The following RALGPS1 variants were observed in gnomAD, a reference collection of about 807,000 sequenced individuals.
RALGPS1 encodes ras-specific guanine nucleotide-releasing factor RalGPS1.
Under a neutral mutation model 78.8 loss-of-function variants are expected in RALGPS1, and 19 were observed. The observed-to-expected ratio is 0.24, with a 90% CI of 0.17 to 0.35. The LOEUF is 0.35. Among genes scored for constraint, RALGPS1 ranks in the 10% least tolerant of loss-of-function variants. The pLI is 1.00. For synonymous variants in RALGPS1, 228 were observed against 256.3 expected (o/e 0.89, Z 1.06); for missense variants, 454 against 688.3 (o/e 0.66, Z 3.81).
intron 8 of RALGPS1, among the ~76,000 whole-genome samples, chr9:127,073,789 G>T (rs1408815226): frequency 2.0e-5 from 3 of 152,062 alleles, no homozygotes; most frequent in African/African-American, 7.2e-5. Context: ...AACCATTGTG[G>T]CTGGCCCAAG....
chr9:127,167,565 A>T (rs13297659), intron 9 of RALGPS1, among the ~76,000 whole-genome samples: 42,213 of 152,098 alleles, frequency 0.28, 6,124 homozygotes, highest in Middle Eastern at 0.39. Context: ...CTGGCATTTC[A>T]TGAGAGCCCA....
At chr9:127,031,125 G>A (rs892069920) in intron 4 of RALGPS1, among the ~76,000 whole-genome samples, 7 of 152,212 alleles carry the variant, frequency 4.6e-5, no homozygotes, top group Non-Finnish European at 7.3e-5. Context: ...TACCAGGGCC[G>A]TACTGGTCTC....
chr9:127,019,901 A>T (rs2134134679), intron 4 of RALGPS1, among the ~76,000 whole-genome samples: 1 of 152,298 alleles, frequency 6.6e-6, no homozygotes, highest in East Asian at 1.9e-4. Context: ...GACAGATACT[A>T]CTAAGCTTCT....
At chr9:127,124,962 C>T (rs1232172697) in intron 8 of RALGPS1, among the ~76,000 whole-genome samples, 3 of 152,158 alleles carry the variant, frequency 2.0e-5, no homozygotes, top group Admixed American at 6.5e-5. Context: ...GGAGAAGGAG[C>T]ACCAGGGTGT....
intron 5 of RALGPS1, among the ~76,000 whole-genome samples, chr9:127,042,184 T>A (rs552957959): frequency 6.6e-6 from 1 of 152,300 alleles, no homozygotes; most frequent in African/African-American, 2.4e-5. Flanking sequence ...AACTATTCTG[T>A]TTTTTTATAA....
intron 8 of RALGPS1, chr9:127,108,089 G>T (rs755437504): frequency 1.2e-6 from 2 of 1,611,564 alleles, no homozygotes. Flanking sequence ...GGGGGTGGCT[G>T]GGGGACGGGC....
At chr9:127,083,103 A>AG (rs780922844) in intron 8 of RALGPS1, among the ~76,000 whole-genome samples, 1 of 152,138 alleles carries the variant, frequency 6.6e-6, no homozygotes, top group Non-Finnish European at 1.5e-5. Context: ...GGTCCTGGAG[A>AG]GGATGGGGAC....
intron 9 of RALGPS1, 46 bp downstream of exon 9, chr9:127,166,252 A>G: frequency 6.2e-7 from 1 of 1,605,494 alleles, no homozygotes; most frequent in Non-Finnish European, 8.5e-7. Context: ...CGTCATTGAA[A>G]TTTGGGTCTT....
chr9:127,015,506 G>C (rs1034627052), intron 4 of RALGPS1, among the ~76,000 whole-genome samples: 1 of 152,142 alleles, frequency 6.6e-6, no homozygotes, highest in Non-Finnish European at 1.5e-5. Flanking sequence ...GAAGGACTCT[G>C]TTCGCCTCTC....
chr9:127,069,012 C>T (rs1449797910), intron 7 of RALGPS1, among the ~76,000 whole-genome samples: 3 of 152,146 alleles, frequency 2.0e-5, no homozygotes, highest in East Asian at 1.9e-4. Context: ...TTAGCTAGTC[C>T]TCAATTTGGT....
chr9:127,188,753 G>T (rs954059071), intron 11 of RALGPS1, among the ~76,000 whole-genome samples: 2 of 148,484 alleles, frequency 1.3e-5, no homozygotes, highest in Non-Finnish European at 3.0e-5. Context: ...ATCACTTGAG[G>T]CCAGGAGCTT....
At chr9:127,073,069 C>T (rs1264180943) in intron 8 of RALGPS1, among the ~76,000 whole-genome samples, 1 of 152,164 alleles carries the variant, frequency 6.6e-6, no homozygotes, top group Non-Finnish European at 1.5e-5. Flanking sequence ...GAGTATTCAT[C>T]ATTTCTGTGT....
At chr9:127,001,612 G>A (rs1257100632) in intron 4 of RALGPS1, among the ~76,000 whole-genome samples, 8 of 152,174 alleles carry the variant, frequency 5.3e-5, no homozygotes, top group Non-Finnish European at 1.0e-4. Context: ...CGGGCTGGGC[G>A]CGGTGGCTCA....
intron 8 of RALGPS1, among the ~76,000 whole-genome samples, chr9:127,077,955 T>C (rs920287593): frequency 3.3e-5 from 5 of 152,190 alleles, no homozygotes; most frequent in Non-Finnish European, 5.9e-5. Context: ...CATGGAGCAA[T>C]AGACCTTGTT....
intron 8 of RALGPS1, among the ~76,000 whole-genome samples, chr9:127,120,077 T>C (rs79600051): frequency 0.013 from 2,000 of 152,326 alleles, 41 homozygotes; most frequent in Non-Finnish European, 0.016. Flanking sequence ...TGGTGTAAGA[T>C]CCACCAGACA....
chr9:127,072,666 CAAATT>C (rs2050308922), intron 8 of RALGPS1, among the ~76,000 whole-genome samples: 1 of 152,176 alleles, frequency 6.6e-6, no homozygotes, highest in East Asian at 1.9e-4. Flanking sequence ...TGTAATGTCT[CAAATT>C]AATCTATAAT....
chr9:127,079,627 T>A (rs1486584764), intron 8 of RALGPS1: 1 of 152,190 alleles, frequency 6.6e-6, no homozygotes, highest in Non-Finnish European at 1.5e-5. Flanking sequence ...TGTTTGGCAG[T>A]CGTGTGAAGA....
At chr9:126,996,180 T>C (rs1015942414) in intron 4 of RALGPS1, among the ~76,000 whole-genome samples, 1 of 151,800 alleles carries the variant, frequency 6.6e-6, no homozygotes, top group Non-Finnish European at 1.5e-5. Context: ...ATAACTAAAA[T>C]CAGAGCAGAA....
intron 8 of RALGPS1, among the ~76,000 whole-genome samples, chr9:127,153,418 A>G (rs1306458231): frequency 7.6e-6 from 1 of 130,944 alleles, no homozygotes; most frequent in East Asian, 2.2e-4. Flanking sequence ...CATGCCCTTA[A>G]TCGTTTGTGT....
Sources: gnomAD v4.1 joint callset for allele counts (sites outside exome capture counted in the v4.1 genomes callset) on GRCh38, gnomAD v4.1.1 for gene constraint, MANE v1.5 for transcripts, NCBI Gene and HGNC (gene_info 2026-07-23, HGNC 2026-07-21) for gene names.